The following ARL10 variants were observed in gnomAD, a reference collection of about 807,000 sequenced individuals.
ARL10 encodes ARF like GTPase 10.
In ARL10, 23 loss-of-function variants were observed where a neutral mutation model predicts 26.1. That is an observed-to-expected ratio of 0.88 (90% CI 0.63 to 1.25). ARL10 has a LOEUF of 1.25. ARL10 is among the 50% of genes most tolerant of loss of function. The probability of loss-of-function intolerance (pLI) is 0.00; values close to 1 mark genes in which losing one functional copy is unlikely to be tolerated. For synonymous variants in ARL10, 138 were observed against 149.1 expected (o/e 0.93, Z 0.54); for missense variants, 300 against 323.6 (o/e 0.93, Z 0.56).
intron 1 of ARL10, 79 bp from the exon 2 acceptor site, chr5:176,366,301 C>T: frequency 6.7e-7 from 1 of 1,502,748 alleles, no homozygotes. Flanking sequence ...GGCCTGGGCC[C>T]TCTGGTGCCT....
downstream of ARL10, chr5:176,386,217 A>G (rs574488126): frequency 2.6e-5 from 4 of 155,924 alleles, no homozygotes; most frequent in African/African-American, 9.7e-5. Flanking sequence ...CTTTGACTAC[A>G]GTAAGTGCCT....
chr5:176,369,212 T>C, intron 3 of ARL10: 1 of 1,512,674 alleles, frequency 6.6e-7, no homozygotes, highest in Non-Finnish European at 8.8e-7. Context: ...AAGTGCCTCC[T>C]ATATGCCAGG....
At chr5:176,414,510 C>T in the ARL10 span, among the ~76,000 whole-genome samples, 29 of 149,564 alleles carry the variant, frequency 1.9e-4, no homozygotes, top group East Asian at 4.3e-3. Context: ...CAGCACACGG[C>T]GACCTACCTA....
chr5:176,384,399 G>C, downstream of ARL10: 1 of 1,599,940 alleles, frequency 6.3e-7, no homozygotes, highest in Non-Finnish European at 8.5e-7. Context: ...GCTACTTTAA[G>C]GAGGGCTAGA....
chr5:176,406,564 C>A, downstream of ARL10: 1 of 1,287,810 alleles, frequency 7.8e-7, no homozygotes, highest in South Asian at 1.2e-5. Context: ...AGGATCTGTG[C>A]AGAGGTGGGG....
At chr5:176,406,807 G>A (rs1757145410), downstream of ARL10, 1 of 941,230 alleles carries the variant, frequency 1.1e-6, no homozygotes, top group Non-Finnish European at 1.4e-6. Flanking sequence ...CCCTGCAGGT[G>A]CAGGCCAGAC....
downstream of ARL10, chr5:176,405,502 A>AG: frequency 6.7e-6 from 1 of 148,712 alleles, no homozygotes. Flanking sequence ...AAAAAAAAAA[A>AG]AAAAAAGAAA....
the ARL10 span, among the ~76,000 whole-genome samples, chr5:176,409,621 G>A: frequency 6.6e-6 from 1 of 151,804 alleles, no homozygotes; most frequent in Admixed American, 6.6e-5. Context: ...CACTATGTTG[G>A]CCAGGCTGGT....
chr5:176,384,353 T>A (rs763535412), downstream of ARL10: 1 of 1,613,948 alleles, frequency 6.2e-7, no homozygotes, highest in South Asian at 1.1e-5. Context: ...TGATAGTAAT[T>A]CTTCTCATCA....
In ARL10 at chr5:176,373,128, C is replaced by G. The variant is rs1479219425; in HGVS notation, c.*1233C>G. The G allele has an allele frequency of 7.5e-6, 3 of 398,244 alleles. No individual in the cohort carries two copies. The highest frequency in any genetic ancestry group is 6.2e-5 in the African/African-American group (3 of 48,602). The allele number at this position is 398,244 out of a possible 1,614,324, so 24.7% of individuals were successfully genotyped here. A position where few individuals can be genotyped will look rare whatever the true frequency, so the allele number is the denominator to read the frequency against. On this transcript the variant is annotated 3_prime_UTR_variant, in exon 4 of 4. Transcript: ENST00000310389. The stretch of plus-strand genomic sequence containing the variant: ...GGGAGAGGATTTCCCTTATGTGAAT[C>G]TAGGTAAAAAGATGGAAAAAAATTG...
At chr5:176,395,654 G>C (rs1416383910) in intron 1 of ARL10, among the ~76,000 whole-genome samples, 1 of 152,156 alleles carries the variant, frequency 6.6e-6, no homozygotes, top group East Asian at 1.9e-4. Flanking sequence ...CCCTGGTCTT[G>C]ATTACTCATC....
At chr5:176,388,784 G>C (rs375604823), downstream of ARL10, 5 of 1,602,474 alleles carry the variant, frequency 3.1e-6, no homozygotes, top group Non-Finnish European at 4.3e-6. Context: ...GGCTGAGGTC[G>C]GAGTCCCGAT....
At chr5:176,414,298 G>A in the ARL10 span, among the ~76,000 whole-genome samples, 5 of 152,158 alleles carry the variant, frequency 3.3e-5, no homozygotes, top group Admixed American at 1.3e-4. Flanking sequence ...CCTGGGACAC[G>A]GCAGATTCTG....
In ARL10 at chr5:176,379,325, C is replaced by A. The variant is rs948400570; in HGVS notation, c.*7430C>A. 2 of 152,046 alleles carry A rather than the reference C, an allele frequency of 1.3e-5. No homozygotes were observed. The highest frequency in any genetic ancestry group is 2.9e-5 in the Non-Finnish European group (2 of 68,018). The allele number at this position is 152,046 out of a possible 1,614,324, so 9.4% of individuals were successfully genotyped here. The stretch of plus-strand genomic sequence containing the variant: ...CTGGGATTACAGGTGCCCGCCACCA[C>A]GCCCAGCTTATTTTTTGTATTTAGT... On this transcript the variant is annotated 3_prime_UTR_variant, in exon 4 of 4. Transcript: ENST00000310389.
downstream of ARL10, among the ~76,000 whole-genome samples, chr5:176,391,161 C>G (rs958131883): frequency 6.6e-6 from 1 of 152,186 alleles, no homozygotes; most frequent in Non-Finnish European, 1.5e-5. Flanking sequence ...ACCATGTTCT[C>G]TCAGCTTTGA....
At chr5:176,394,357 C>T (rs530905477) in intron 1 of ARL10, among the ~76,000 whole-genome samples, 5 of 152,326 alleles carry the variant, frequency 3.3e-5, no homozygotes, top group Non-Finnish European at 7.4e-5. Flanking sequence ...TTCACGAGAC[C>T]CCCTGGTAAT....
downstream of ARL10, chr5:176,406,722 GA>G: frequency 3.9e-6 from 5 of 1,281,564 alleles, no homozygotes; most frequent in Non-Finnish European, 4.1e-6. Flanking sequence ...CAGAAAAGAG[GA>G]AGAAAGGAAG....
At chr5:176,382,856 G>GGGGCCAC (rs554452534), downstream of ARL10, among the ~76,000 whole-genome samples, 7 of 152,206 alleles carry the variant, frequency 4.6e-5, no homozygotes, top group Non-Finnish European at 8.8e-5. Context: ...CACATGCTAA[G>GGGGCCAC]GGGCCACCCC....
downstream of ARL10, chr5:176,392,663 T>C: frequency 8.0e-7 from 1 of 1,246,598 alleles, no homozygotes; most frequent in Non-Finnish European, 1.1e-6. The surrounding 1 kb of genome is among the most constrained non-coding windows in gnomAD (Gnocchi z 5.2). Flanking sequence ...TGGGGAGGAG[T>C]GGAATAGGCT....
Sources: gnomAD v4.1 joint callset for allele counts (sites outside exome capture counted in the v4.1 genomes callset) on GRCh38, gnomAD v4.1.1 for gene constraint, Gnocchi (gnomAD v3.1) non-coding constraint, MANE v1.5 for transcripts, NCBI Gene and HGNC (gene_info 2026-07-23, HGNC 2026-07-21) for gene names.